DNAH9: variants seen among roughly 807,000 people sequenced by gnomAD.
DNAH9 encodes the protein DNAH9 variant protein.
Under a neutral mutation model 471.6 loss-of-function variants are expected in DNAH9, and 345 were observed. The ratio of observed to expected loss-of-function variants is 0.73; its 90% CI spans 0.67 to 0.80. DNAH9 has a LOEUF of 0.80. DNAH9 is among the 30% of genes least tolerant of loss of function. The pLI is 0.00. For synonymous variants in DNAH9, 2,093 were observed against 2,123.6 expected (o/e 0.99, Z 0.40); for missense variants, 5,407 against 5,609.2 (o/e 0.96, Z 1.15).
chr17:11,944,401 G>A (rs1227254396), intron 67 of DNAH9, among the ~76,000 whole-genome samples: 1 of 152,154 alleles, frequency 6.6e-6, no homozygotes, highest in Non-Finnish European at 1.5e-5. Context: ...CATTGAGGGG[G>A]TTCTGGAGGA....
chr17:11,915,833 A>C (rs1973935565), intron 61 of DNAH9, among the ~76,000 whole-genome samples: 1 of 152,234 alleles, frequency 6.6e-6, no homozygotes, highest in Non-Finnish European at 1.5e-5. Context: ...TATTTGCTTC[A>C]GAGCATTTAA....
At chr17:11,848,069 A>G (rs1971288851) in intron 49 of DNAH9, among the ~76,000 whole-genome samples, 3 of 151,936 alleles carry the variant, frequency 2.0e-5, no homozygotes, top group Non-Finnish European at 4.4e-5. Flanking sequence ...TCACCCTAAC[A>G]TTACTAGCCC....
Position 11,757,646 on chromosome 17 carries a change from T to G in DNAH9, c.6949T>G (p.Leu2317Val). Reference sequence around the variant, plus strand: ...GACAGAGAGAGCCAACTTAACCATTTTGTTCGACAAGTATCTTCCAACCTG... The same window carrying G: ...GACAGAGAGAGCCAACTTAACCATTGTGTTCGACAAGTATCTTCCAACCTG... ...IQTERANLTI[L>V]FDKYLPTCLD... Residue 2317 changes from leucine to valine, a missense_variant, in exon 35 of 69, where the codon TTG (leucine) becomes GTG (valine). By Grantham distance (32) the Leu-to-Val change is conservative. Coordinates refer to ENST00000262442, the MANE Select transcript of DNAH9 (RefSeq NM_001372.4). The G allele has an allele frequency of 6.2e-7, 1 of 1,614,122 alleles. No individual in the cohort carries two copies. The highest frequency in any genetic ancestry group is 8.5e-7 in the Non-Finnish European group (1 of 1,180,026).
intron 67 of DNAH9, among the ~76,000 whole-genome samples, chr17:11,949,434 G>A (rs907164822): frequency 6.6e-6 from 1 of 151,392 alleles, no homozygotes; most frequent in Admixed American, 6.6e-5. Context: ...TTAGGAAACT[G>A]GTTGAATTAA....
intron 24 of DNAH9, among the ~76,000 whole-genome samples, chr17:11,701,744 T>C (rs2074601130): frequency 6.6e-6 from 1 of 152,224 alleles, no homozygotes; most frequent in Non-Finnish European, 1.5e-5. Flanking sequence ...AGTGCCACGA[T>C]GTCGGCTCAC....
At position 11,869,220 on chromosome 17, in the gene DNAH9, G is replaced by C. The variant is rs757765638; in HGVS notation, c.10020G>C (p.Val3340=). The change falls in exon 51 of 69, where the codon GTG becomes GTC. Residue 3340 remains valine (V), a synonymous_variant. Transcript: ENST00000262442. ...DKLKCQQEAE[V]TAVTISLANR... ...TCAAATGTCAGCAAGAAGCCGAAGT[G>C]ACCGCAGTCACCATCTCCCTTGCCA... The C allele has an allele frequency of 4.3e-6, 7 of 1,613,750 alleles. No individual in the cohort carries two copies. The South Asian group carries it at 7.7e-5, about 18-fold the overall frequency.
At position 11,680,544 on chromosome 17, in the gene DNAH9, G is replaced by A. The variant is rs146339122; in HGVS notation, c.3577-179G>A. ...GTAGGTAATAGTTGAGAGCAGCTGC[G>A]GAAGGAAGTCGAGGAAGAGTGGGTG... On this transcript the variant is annotated intron_variant, in intron 18 of 68. Transcript: ENST00000262442. Among the ~76,000 whole-genome samples the A allele has an allele frequency of 4.6e-5, 7 of 152,264 alleles. No homozygotes were observed. The East Asian group carries it at 7.7e-4, about 17-fold the overall frequency.
At chr17:11,701,089 GC>G in intron 23 of DNAH9, 32 bp from the exon 24 acceptor site, 2 of 1,613,116 alleles carry the variant, frequency 1.2e-6, no homozygotes, top group Non-Finnish European at 1.7e-6. Context: ...AACTTCTCAG[GC>G]ACCCAGTGTC....
chr17:11,703,090 C>CAAAAA (rs535913798), intron 24 of DNAH9, among the ~76,000 whole-genome samples: 10 of 87,776 alleles, frequency 1.1e-4, no homozygotes, highest in Non-Finnish European at 1.2e-4. Flanking sequence ...GAGACTGTCT[C>CAAAAA]AAAAAAAAAA....
chr17:11,690,936 T>A (rs1262000897), intron 20 of DNAH9, among the ~76,000 whole-genome samples: 1 of 152,158 alleles, frequency 6.6e-6, no homozygotes, highest in Non-Finnish European at 1.5e-5. Context: ...AAATATGTGT[T>A]CTTCTCATTA....
intron 38 of DNAH9, among the ~76,000 whole-genome samples, chr17:11,774,368 A>T (rs762830095): frequency 6.6e-6 from 1 of 152,198 alleles, no homozygotes; most frequent in Non-Finnish European, 1.5e-5. Context: ...GTCTGTTCTC[A>T]CACTGCTATA....
intron 36 of DNAH9, among the ~76,000 whole-genome samples, chr17:11,765,342 T>C (rs180691954): frequency 6.6e-6 from 1 of 152,352 alleles, no homozygotes; most frequent in East Asian, 1.9e-4. Flanking sequence ...CTGGATTGAT[T>C]GTGAGCCTCT....
chr17:11,817,289 T>C (rs904862556), intron 45 of DNAH9, among the ~76,000 whole-genome samples: 1 of 152,204 alleles, frequency 6.6e-6, no homozygotes, highest in Non-Finnish European at 1.5e-5. Context: ...CAGAGGTGTT[T>C]ATCTCCAGAT....
intron 14 of DNAH9, among the ~76,000 whole-genome samples, chr17:11,658,975 T>C (rs2073704490): frequency 6.6e-6 from 1 of 152,182 alleles, no homozygotes; most frequent in South Asian, 2.1e-4. Context: ...TGTTCTTGTT[T>C]CGGTGTTAAG....
At chr17:11,877,473 T>TAAAAAA (rs550300868) in intron 53 of DNAH9, among the ~76,000 whole-genome samples, 23 of 68,628 alleles carry the variant, frequency 3.4e-4, no homozygotes, top group African/African-American at 9.0e-4. Flanking sequence ...AAACTCTGTC[T>TAAAAAA]AAAAAAAAAA....
intron 12 of DNAH9, among the ~76,000 whole-genome samples, chr17:11,650,498 A>G (rs2073483335): frequency 6.6e-6 from 1 of 152,240 alleles, no homozygotes; most frequent in South Asian, 2.1e-4. Flanking sequence ...CTAGCATGTT[A>G]AGACACAAGG....
intron 67 of DNAH9, among the ~76,000 whole-genome samples, chr17:11,950,359 T>G (rs1206758162): frequency 6.6e-6 from 1 of 152,222 alleles, no homozygotes; most frequent in East Asian, 1.9e-4. Flanking sequence ...GTAGTTTCAC[T>G]GCCCTAAAAT....
chr17:11,640,150 A>T, intron 9 of DNAH9, 120 bp from the exon 10 acceptor site: 1 of 650,828 alleles, frequency 1.5e-6, no homozygotes, highest in Non-Finnish European at 2.7e-6. Context: ...GTGTGCTCCC[A>T]GGTGACTTTA....
chr17:11,949,874 TG>T (rs1226210156), intron 67 of DNAH9, among the ~76,000 whole-genome samples: 3 of 152,170 alleles, frequency 2.0e-5, no homozygotes, highest in African/African-American at 7.2e-5. Flanking sequence ...GAACATTCTT[TG>T]GAGTTCCATC....
Sources: allele counts gnomAD v4.1 joint callset (sites outside exome capture counted in the v4.1 genomes callset), GRCh38; gene constraint gnomAD v4.1.1; transcripts MANE v1.5; gene names NCBI Gene and HGNC (gene_info 2026-07-23, HGNC 2026-07-21).